The following GPC6 variants were observed in gnomAD, a reference collection of about 807,000 sequenced individuals.
GPC6 encodes glypican-6.
A neutral mutation model predicts 55.2 loss-of-function variants in GPC6; 14 were observed. That is an observed-to-expected ratio of 0.25 (90% CI 0.17 to 0.40). The LOEUF is 0.40. Ranked by LOEUF, GPC6 falls within the 10% of genes least tolerant of loss-of-function variation. The probability of loss-of-function intolerance (pLI) is 1.00; values close to 1 mark genes in which losing one functional copy is unlikely to be tolerated. For synonymous variants in GPC6, 278 were observed against 259.6 expected, an observed-to-expected ratio of 1.07 and a Z score of -0.68; for missense variants, 641 against 708.5, an observed-to-expected ratio of 0.90 and a Z score of 1.08.
chr13:94,276,543 T>C (rs1240432397), intron 4 of GPC6, among the ~76,000 whole-genome samples: 4 of 152,140 alleles, frequency 2.6e-5, no homozygotes. Flanking sequence ...GGTATACATG[T>C]GCCATGGTGG....
At chr13:93,603,819 T>G (rs1878125214) in intron 2 of GPC6, among the ~76,000 whole-genome samples, 1 of 152,222 alleles carries the variant, frequency 6.6e-6, no homozygotes, top group Admixed American at 6.5e-5. Context: ...AACAGATACT[T>G]TTTTAAATGT....
At chr13:94,295,844 T>C (rs983515248) in intron 5 of GPC6, among the ~76,000 whole-genome samples, 2 of 152,146 alleles carry the variant, frequency 1.3e-5, no homozygotes, top group Non-Finnish European at 2.9e-5. Flanking sequence ...CTTCTTTAGT[T>C]TTGTTTTTAA....
intron 2 of GPC6, among the ~76,000 whole-genome samples, chr13:93,729,653 A>G (rs1010114283): frequency 6.6e-6 from 1 of 152,196 alleles, no homozygotes; most frequent in African/African-American, 2.4e-5. Flanking sequence ...TTGGGAAACT[A>G]TTGGACAGGA....
rs1419377455 is a variant in GPC6 at position 93,391,979 on chromosome 13, T to C, written c.161-153284T>C. 2.0e-5 allele frequency among the ~76,000 whole-genome samples: 3 copies of C among 152,298 alleles called. No individual in the cohort carries two copies. In the East Asian group the frequency reaches 5.8e-4, roughly 29 times the overall value. Reference sequence around the variant, plus strand: ...CTATATATCAGCAAAATTACCCAGCTCTCTTACAGAAGGTGTTCTGTTGCC... The same window carrying C: ...CTATATATCAGCAAAATTACCCAGCCCTCTTACAGAAGGTGTTCTGTTGCC... On this transcript the variant is annotated intron_variant, in intron 1 of 8. Coordinates refer to ENST00000377047, the MANE Select transcript of GPC6 (RefSeq NM_005708.5).
chr13:93,631,508 C>G (rs1879428655), intron 2 of GPC6, among the ~76,000 whole-genome samples: 1 of 152,208 alleles, frequency 6.6e-6, no homozygotes. Context: ...CTCTGTGATA[C>G]TACTTTTTAT....
intron 2 of GPC6, among the ~76,000 whole-genome samples, chr13:93,630,451 A>G (rs993784564): frequency 1.3e-5 from 2 of 152,154 alleles, no homozygotes; most frequent in East Asian, 1.9e-4. Flanking sequence ...TGCCAAGCAT[A>G]CAGTAGGTAT....
intron 3 of GPC6, among the ~76,000 whole-genome samples, chr13:93,866,901 A>G (rs1215372568): frequency 2.0e-5 from 3 of 151,798 alleles, no homozygotes; most frequent in Non-Finnish European, 4.4e-5. Flanking sequence ...CAAAAAATAA[A>G]CATTTCTAAA....
chr13:93,924,509 A>G (rs1877749364), intron 3 of GPC6, among the ~76,000 whole-genome samples: 1 of 152,242 alleles, frequency 6.6e-6, no homozygotes, highest in East Asian at 1.9e-4. Flanking sequence ...ATTATTGTAC[A>G]TCCTGAACCT....
At chr13:93,871,917 T>A (rs561939628) in intron 3 of GPC6, among the ~76,000 whole-genome samples, 112 of 152,050 alleles carry the variant, frequency 7.4e-4, no homozygotes, top group South Asian at 8.3e-4. Context: ...GATTTTGCAT[T>A]TCATTTTCAC....
At chr13:93,645,825 C>T (rs1880146196) in intron 2 of GPC6, among the ~76,000 whole-genome samples, 2 of 152,068 alleles carry the variant, frequency 1.3e-5, no homozygotes, top group African/African-American at 4.8e-5. Context: ...ATATGTCTTA[C>T]TGTAGAGTGT....
At chr13:94,053,897 A>G (rs1237672177) in intron 4 of GPC6, among the ~76,000 whole-genome samples, 1 of 152,152 alleles carries the variant, frequency 6.6e-6, no homozygotes, top group African/African-American at 2.4e-5. Context: ...ATTTTAGTAC[A>G]TTTATTTTTA....
chr13:93,311,290 C>G (rs535776797), intron 1 of GPC6, among the ~76,000 whole-genome samples: 48 of 152,274 alleles, frequency 3.2e-4, no homozygotes, highest in Middle Eastern at 6.8e-3. Context: ...TTACATTTCC[C>G]TGTGGGAGCA....
chr13:93,502,365 A>G (rs1468258788), intron 1 of GPC6, among the ~76,000 whole-genome samples: 1 of 152,134 alleles, frequency 6.6e-6, no homozygotes, highest in Non-Finnish European at 1.5e-5. Flanking sequence ...GTAAATAACA[A>G]TATTTTAAAT....
chr13:93,469,806 G>T (rs967770527), intron 1 of GPC6, among the ~76,000 whole-genome samples: 13 of 152,080 alleles, frequency 8.5e-5, no homozygotes, highest in African/African-American at 1.9e-4. Flanking sequence ...TTTGTTGTTG[G>T]TGGTGGTGTT....
In GPC6 at chr13:93,945,135, C is replaced by G. The variant is rs992313314; in HGVS notation, c.712-82594C>G. Among the ~76,000 whole-genome samples the G allele has an allele frequency of 2.0e-5, 3 of 152,118 alleles. No individual in the cohort carries two copies. The East Asian group carries it at 5.8e-4, about 29-fold the overall frequency. ...GCTGGTAAATGTTTAGCAACCAACC[C>G]TTTGAAAAAGAAAGTATGCATATAT... On this transcript the variant is annotated intron_variant, in intron 3 of 8. Transcript: ENST00000377047.
chr13:93,769,475 A>G (rs1446279711), intron 2 of GPC6, among the ~76,000 whole-genome samples: 2 of 151,598 alleles, frequency 1.3e-5, no homozygotes, highest in African/African-American at 2.4e-5. Flanking sequence ...AGCAGGGAGA[A>G]GATGTGCGCA....
At chr13:93,803,973 T>C (rs1886460191) in intron 2 of GPC6, among the ~76,000 whole-genome samples, 1 of 152,156 alleles carries the variant, frequency 6.6e-6, no homozygotes, top group Non-Finnish European at 1.5e-5. Context: ...ATGAAAATGC[T>C]CTAAAATTGA....
At chr13:94,209,759 A>G (rs1474967399) in intron 4 of GPC6, among the ~76,000 whole-genome samples, 1 of 152,184 alleles carries the variant, frequency 6.6e-6, no homozygotes, top group South Asian at 2.1e-4. Context: ...TAAAGATTAC[A>G]TAATTGTTGG....
At chr13:93,529,757 C>T (rs1312995837) in intron 1 of GPC6, among the ~76,000 whole-genome samples, 1 of 151,992 alleles carries the variant, frequency 6.6e-6, no homozygotes, top group East Asian at 1.9e-4. Flanking sequence ...CCTCGTGATC[C>T]ACCCACCTCA....
Sources: gnomAD v4.1 joint callset for allele counts (sites outside exome capture counted in the v4.1 genomes callset) on GRCh38, gnomAD v4.1.1 for gene constraint, MANE v1.5 for transcripts, NCBI Gene and HGNC (gene_info 2026-07-23, HGNC 2026-07-21) for gene names.